Variants in SCN8A observed in about 807,000 individuals in gnomAD.
SCN8A encodes the protein sodium voltage-gated channel alpha subunit 8.
Under a neutral mutation model 184.1 loss-of-function variants are expected in SCN8A, and 30 were observed. The ratio of observed to expected loss-of-function variants is 0.16; its 90% CI spans 0.12 to 0.22. The LOEUF (loss-of-function observed/expected upper bound fraction) is 0.22. Ranked by LOEUF, SCN8A falls within the 10% of genes least tolerant of loss-of-function variation. The pLI is 1.00. For missense variants in SCN8A, 1,057 were observed against 2,498.9 expected, an observed-to-expected ratio of 0.42 and a Z score of 12.30; for synonymous variants, 852 against 907.0, an observed-to-expected ratio of 0.94 and a Z score of 1.09.
At position 51,808,188 on chromosome 12, in the gene SCN8A, C is replaced by G. The variant is rs1166114213; in HGVS notation, c.*759C>G. 1.3e-5 allele frequency: 2 copies of G among 153,034 alleles called. No individual in the cohort carries two copies. The highest frequency in any genetic ancestry group is 1.9e-4 in the East Asian group (1 of 5,198). 9.5% of individuals were successfully genotyped at this position (153,034 alleles called of 1,614,324 possible). A position where few individuals can be genotyped will look rare whatever the true frequency, so the allele number is the denominator to read the frequency against. On this transcript the variant is annotated 3_prime_UTR_variant, in exon 27 of 27. Transcript: ENST00000627620. ...AGCCTTTGGACAGGACCCAGCCCTG[C>G]ACCGTTCACTGTATTTGGAGAAAAT... is the stretch of plus-strand genomic sequence containing the variant.
At chr12:51,790,002 A>G (rs1938195195) in intron 24 of SCN8A, among the ~76,000 whole-genome samples, 1 of 152,250 alleles carries the variant, frequency 6.6e-6, no homozygotes, top group Non-Finnish European at 1.5e-5. Flanking sequence ...TCTAAAATAA[A>G]TTGGCTATCA....
chr12:51,796,300 C>T (rs1177532192), intron 26 of SCN8A, among the ~76,000 whole-genome samples: 1 of 152,158 alleles, frequency 6.6e-6, no homozygotes, highest in African/African-American at 2.4e-5. Context: ...AAGCCCAGCC[C>T]CTGGCCTCAA....
chr12:51,730,993 C>T (rs1942231791), intron 12 of SCN8A, among the ~76,000 whole-genome samples: 1 of 152,186 alleles, frequency 6.6e-6, no homozygotes, highest in Admixed American at 6.5e-5. Context: ...GCTTATTTCA[C>T]TTAATATAAT....
chr12:51,724,184 G>A (rs1942119351), intron 12 of SCN8A, among the ~76,000 whole-genome samples: 1 of 152,290 alleles, frequency 6.6e-6, no homozygotes, highest in Admixed American at 6.5e-5. Flanking sequence ...GGTGGCTCAT[G>A]CCTATAATCC....
chr12:51,653,654 A>G (rs1211402196), intron 1 of SCN8A, among the ~76,000 whole-genome samples: 4 of 152,162 alleles, frequency 2.6e-5, no homozygotes, highest in African/African-American at 7.2e-5. Flanking sequence ...TGTGTGTACA[A>G]ATATCTTTTT....
intron 26 of SCN8A, among the ~76,000 whole-genome samples, chr12:51,795,068 G>C (rs1299128817): frequency 6.6e-6 from 1 of 152,186 alleles, no homozygotes; most frequent in Non-Finnish European, 1.5e-5. Flanking sequence ...TGGTAGTGCT[G>C]CTGTTACTGG....
At chr12:51,743,089 C>T (rs1025175620) in intron 12 of SCN8A, among the ~76,000 whole-genome samples, 1 of 152,136 alleles carries the variant, frequency 6.6e-6, no homozygotes, top group Non-Finnish European at 1.5e-5. Flanking sequence ...TTAAATTTAT[C>T]TGATAGAATG....
At chr12:51,664,580 TGAA>T (rs1309349204) in intron 2 of SCN8A, among the ~76,000 whole-genome samples, 1 of 152,114 alleles carries the variant, frequency 6.6e-6, no homozygotes, top group Non-Finnish European at 1.5e-5. Flanking sequence ...GGGAAATAAA[TGAA>T]GAAAAAAACC....
At chr12:51,593,196 A>G (rs141648702) in intron 1 of SCN8A, among the ~76,000 whole-genome samples, 2 of 152,234 alleles carry the variant, frequency 1.3e-5, no homozygotes, top group African/African-American at 4.8e-5. Context: ...GGTTGTGGGT[A>G]GTGATCCTTT....
At position 51,807,303 on chromosome 12, in the gene SCN8A, A is replaced by G. The variant is rs1466395727; in HGVS notation, c.5817A>G (p.Pro1939=). ...GTHREKKEST[P]STASLPSYDS... ...ACCGGGAGAAAAAAGAGAGCACCCC[A>G]TCTACAGCCTCCCTCCCGTCCTATG... Residue 1939 remains proline, a synonymous_variant, in exon 27 of 27, where the codon CCA becomes CCG. Transcript: ENST00000627620. This position sits in a 1 kb window ranked among gnomAD's most constrained non-coding sequence, Gnocchi z 4.5. The G allele has an allele frequency of 6.2e-7, 1 of 1,613,956 alleles. No homozygotes were observed.
At chr12:51,695,062 A>G (rs530744219) in intron 6 of SCN8A, among the ~76,000 whole-genome samples, 1 of 152,262 alleles carries the variant, frequency 6.6e-6, no homozygotes, top group African/African-American at 2.4e-5. Flanking sequence ...TTACCTGAAA[A>G]CATGAAGCCG....
At chr12:51,615,947 G>A (rs1166395996) in intron 1 of SCN8A, among the ~76,000 whole-genome samples, 1 of 152,042 alleles carries the variant, frequency 6.6e-6, no homozygotes, top group African/African-American at 2.4e-5. Context: ...GCCCAGGCTG[G>A]TCTTAAACTC....
intron 16 of SCN8A, among the ~76,000 whole-genome samples, chr12:51,766,567 C>T (rs1183037454): frequency 6.6e-6 from 1 of 152,162 alleles, no homozygotes; most frequent in African/African-American, 2.4e-5. Context: ...GGCAAAATTG[C>T]CCTCCATTGA....
At chr12:51,779,970 A>C (rs890395608) in intron 20 of SCN8A, among the ~76,000 whole-genome samples, 2 of 130,158 alleles carry the variant, frequency 1.5e-5, no homozygotes, top group African/African-American at 5.8e-5. Flanking sequence ...GATAGAACTC[A>C]CTTAAGCGAG....
chr12:51,712,827 A>G, intron 11 of SCN8A: 2 of 1,244,792 alleles, frequency 1.6e-6, no homozygotes, highest in Non-Finnish European at 2.4e-6. Context: ...CACCTCCTCC[A>G]TAACTACCTC....
Position 51,614,683 on chromosome 12 carries a change from C to T in SCN8A, c.-55+23324C>T, listed in dbSNP as rs1167166873. On this transcript the variant is annotated intron_variant, in intron 1 of 26. Transcript: ENST00000627620. ...TCTACTAATGTCCTTTTTTCTGATC[C>T]AGGATCCGGTCCAGGATACCATATT... Among the ~76,000 whole-genome samples, 4 of 152,068 alleles carry T rather than the reference C, an allele frequency of 2.6e-5. No homozygotes were observed. The East Asian group carries it at 5.8e-4, about 22-fold the overall frequency.
intron 2 of SCN8A, among the ~76,000 whole-genome samples, chr12:51,679,735 T>C (rs1359738543): frequency 1.4e-5 from 2 of 145,870 alleles, no homozygotes; most frequent in East Asian, 4.0e-4. Context: ...TTTTTTTTTT[T>C]TTTTTTTTGA....
chr12:51,749,862 G>C (rs1042260745), intron 13 of SCN8A, among the ~76,000 whole-genome samples: 3 of 152,084 alleles, frequency 2.0e-5, no homozygotes, highest in Admixed American at 1.3e-4. Context: ...CAGCAGAATT[G>C]AACAGAGAGA....
At chr12:51,647,947 T>A (rs1940627162) in intron 1 of SCN8A, among the ~76,000 whole-genome samples, 1 of 152,190 alleles carries the variant, frequency 6.6e-6, no homozygotes, top group African/African-American at 2.4e-5. Context: ...AGAGTCTAGC[T>A]ATAGTTCTGT....
Sources: allele counts gnomAD v4.1 joint callset (sites outside exome capture counted in the v4.1 genomes callset), GRCh38; gene constraint gnomAD v4.1.1; non-coding constraint Gnocchi (gnomAD v3.1); transcripts MANE v1.5; gene names NCBI Gene and HGNC (gene_info 2026-07-23, HGNC 2026-07-21).